Variants in ZBTB2 observed in about 807,000 individuals in gnomAD.
The protein encoded by ZBTB2 is zinc finger and BTB domain-containing protein 2.
ZBTB2 carries 2 observed loss-of-function variants against 39.5 expected under a neutral mutation model. The observed-to-expected ratio is 0.05, with a 90% CI of 0.02 to 0.16. The LOEUF is 0.16. ZBTB2 is among the 10% of genes least tolerant of loss of function. The pLI is 1.00. For synonymous variants in ZBTB2, 251 were observed against 256.6 expected, an observed-to-expected ratio of 0.98 and a Z score of 0.21; for missense variants, 391 against 653.0, an observed-to-expected ratio of 0.60 and a Z score of 4.37.
intron 1 of ZBTB2, among the ~76,000 whole-genome samples, chr6:151,373,856 A>AC (rs1452750920): frequency 1.4e-5 from 2 of 143,586 alleles, no homozygotes; most frequent in Admixed American, 1.4e-4. Context: ...AAAAAAAAAA[A>AC]AAAAAAAAAA....
intron 1 of ZBTB2, among the ~76,000 whole-genome samples, chr6:151,388,338 G>A (rs1468182804): frequency 6.6e-6 from 1 of 152,208 alleles, no homozygotes; most frequent in Non-Finnish European, 1.5e-5. Context: ...CCAAGAAACA[G>A]TAAGAGCTGG....
chr6:151,365,306 C>T lies in ZBTB2; in HGVS notation c.*215G>A. ...AGTTTATAAGTATAATGACCATTAT[C>T]TTTCCAATATCCCCTGAAAGAAAGT... On this transcript the variant is annotated 3_prime_UTR_variant, in exon 3 of 3. Transcript: ENST00000325144. The surrounding 1 kb of genome is among the most constrained non-coding windows in gnomAD (Gnocchi z 5.6). 1 of 545,324 alleles carries T rather than the reference C, an allele frequency of 1.8e-6. No individual in the cohort carries two copies. Among genetic ancestry groups the T allele is most frequent in the Non-Finnish European group, 3.2e-6 (1 of 315,898 alleles). The allele number at this position is 545,324 out of a possible 1,614,324, so 33.8% of individuals were successfully genotyped here. A position where few individuals can be genotyped will look rare whatever the true frequency, so the allele number is the denominator to read the frequency against.
At chr6:151,389,922 C>T (rs545179237) in intron 1 of ZBTB2, among the ~76,000 whole-genome samples, 2 of 152,256 alleles carry the variant, frequency 1.3e-5, no homozygotes, top group African/African-American at 2.4e-5. Flanking sequence ...AAAGTTCTCT[C>T]TTGCGGCTTT....
chr6:151,364,583 G>A lies in ZBTB2; in HGVS notation c.*938C>T, dbSNP rs951442171. On this transcript the variant is annotated 3_prime_UTR_variant, in exon 3 of 3. Transcript: ENST00000325144. Reference sequence around the variant, plus strand: ...ACATCTTCTGGTCACAAATTCCCCTGTAAGATGAGTATTCCTATATCCTTT... The same window carrying A: ...ACATCTTCTGGTCACAAATTCCCCTATAAGATGAGTATTCCTATATCCTTT... 2 of 152,174 alleles carry A rather than the reference G, an allele frequency of 1.3e-5. No individual in the cohort carries two copies. The highest frequency in any genetic ancestry group is 2.9e-5 in the Non-Finnish European group (2 of 68,038). 9.4% of individuals were successfully genotyped at this position (152,174 alleles called of 1,614,324 possible). A position where few individuals can be genotyped will look rare whatever the true frequency, so the allele number is the denominator to read the frequency against.
chr6:151,377,740 T>C (rs1028343046), intron 1 of ZBTB2, among the ~76,000 whole-genome samples: 3 of 151,838 alleles, frequency 2.0e-5, no homozygotes, highest in South Asian at 2.1e-4. Flanking sequence ...ACCATGTTGT[T>C]AGCCAGGACA....
chr6:151,384,218 G>C (rs375462395), intron 1 of ZBTB2, among the ~76,000 whole-genome samples: 3 of 152,192 alleles, frequency 2.0e-5, no homozygotes, highest in African/African-American at 7.2e-5. Context: ...GAGAGCCAGA[G>C]AATAACGAGG....
chr6:151,365,634 G>A lies in ZBTB2; in HGVS notation c.1432C>T (p.Leu478=). Residue 478 remains leucine, a synonymous_variant, in exon 3 of 3, where the codon CTA becomes TTA. Transcript: ENST00000325144. This position sits in a 1 kb window ranked among gnomAD's most constrained non-coding sequence, Gnocchi z 5.6. ...CQNQNSDVFA[L]DEGRSILLGS... Reference sequence around the variant, plus strand: ...AGGAGAATGGATCGCCCTTCGTCTAGGGCAAAAACATCCGAGTTCTGGTTT... The same window carrying A: ...AGGAGAATGGATCGCCCTTCGTCTAAGGCAAAAACATCCGAGTTCTGGTTT... The A allele has an allele frequency of 6.2e-7, 1 of 1,614,178 alleles. No individual in the cohort carries two copies. Among genetic ancestry groups the A allele is most frequent in the African/African-American group, 1.3e-5 (1 of 75,038 alleles).
intron 1 of ZBTB2, among the ~76,000 whole-genome samples, chr6:151,375,158 G>T (rs1778881693): frequency 6.6e-6 from 1 of 151,700 alleles, no homozygotes. Context: ...AGACCTTGTA[G>T]AACTAATAAA....
chr6:151,389,830 C>T (rs1362504525), intron 1 of ZBTB2, among the ~76,000 whole-genome samples: 1 of 152,188 alleles, frequency 6.6e-6, no homozygotes, highest in African/African-American at 2.4e-5. Context: ...CTCGCCTGCT[C>T]TGCTACCCTC....
intron 1 of ZBTB2, among the ~76,000 whole-genome samples, chr6:151,389,226 G>A (rs992260794): frequency 3.3e-5 from 5 of 152,034 alleles, no homozygotes; most frequent in African/African-American, 7.3e-5. Flanking sequence ...GTTCAAGACC[G>A]TCTCGGGCAA....
rs557266381 is a variant in ZBTB2 at position 151,366,419 on chromosome 6, G to T, written c.647C>A (p.Pro216His). 1 of 1,614,094 alleles carries T rather than the reference G, an allele frequency of 6.2e-7. No homozygotes were observed. The highest frequency in any genetic ancestry group is 2.2e-5 in the East Asian group (1 of 44,858). ...TGCTTCCAGATTGGTCTCCTCCCCGGGAGGAGGGGGAGGAACAGGAGTGGA... is the reference window on the plus strand; with the variant it reads ...TGCTTCCAGATTGGTCTCCTCCCCGTGAGGAGGGGGAGGAACAGGAGTGGA... ...LVSTPVPPPP[P>H]GEETNLEASS... The change falls in exon 3 of 3, where the codon CCC (proline) becomes CAC (histidine). Residue 216 changes from proline to histidine, a missense_variant. Pro to His is a moderately conservative substitution (Grantham distance 77). This residue lies in a region of ZBTB2 where 175 missense variants were observed against 198.6 expected (regional missense o/e 0.88). Coordinates refer to ENST00000325144, the MANE Select transcript of ZBTB2 (RefSeq NM_020861.3). The surrounding 1 kb of genome is among the most constrained non-coding windows in gnomAD (Gnocchi z 7.1).
chr6:151,371,824 A>G (rs1357407227), intron 2 of ZBTB2, among the ~76,000 whole-genome samples: 1 of 152,232 alleles, frequency 6.6e-6, no homozygotes, highest in Non-Finnish European at 1.5e-5. Context: ...AATGGAAGTG[A>G]GAAAGGAAAA....
At position 151,366,099 on chromosome 6, in the gene ZBTB2, T is replaced by A. The variant is rs1778640593; in HGVS notation, c.967A>T (p.Ile323Phe). Residue 323 changes from isoleucine (I) to phenylalanine (F), a missense_variant, in exon 3 of 3, where the codon ATC (isoleucine) becomes TTC (phenylalanine). By Grantham distance (21) the Ile-to-Phe change is conservative (BLOSUM62 0). This residue lies in a region of ZBTB2 where 80 missense variants were observed against 125.2 expected (regional missense o/e 0.64). Transcript: ENST00000325144. The surrounding 1 kb of genome is among the most constrained non-coding windows in gnomAD (Gnocchi z 7.1). ...GMISDSELQH[I>F]SDSPIIDGQQ... is the part of the protein sequence containing the mutation. ...CCATCGATGATGGGAGAATCAGAGA[T>A]GTGCTGCAGCTCACTGTCACTTATC... The A allele has an allele frequency of 4.3e-6, 7 of 1,614,030 alleles. No individual in the cohort carries two copies. Among genetic ancestry groups the A allele is most frequent in the Non-Finnish European group, 5.9e-6 (7 of 1,180,034 alleles).
At chr6:151,389,742 G>A (rs1318866962) in intron 1 of ZBTB2, among the ~76,000 whole-genome samples, 3 of 152,076 alleles carry the variant, frequency 2.0e-5, no homozygotes, top group Non-Finnish European at 4.4e-5. Context: ...TATCCCCAAG[G>A]CATAATTAGG....
intron 1 of ZBTB2, among the ~76,000 whole-genome samples, chr6:151,373,863 A>AAC (rs1778840407): frequency 1.4e-5 from 2 of 145,030 alleles, no homozygotes; most frequent in Non-Finnish European, 3.0e-5. Context: ...AAAAAAAAAA[A>AAC]AAAAAAAAAA....
chr6:151,376,593 T>A (rs1778914071), intron 1 of ZBTB2, among the ~76,000 whole-genome samples: 1 of 152,032 alleles, frequency 6.6e-6, no homozygotes, highest in Admixed American at 6.6e-5. Flanking sequence ...ATAAAACACA[T>A]GAAAAGATGT....
intron 1 of ZBTB2, among the ~76,000 whole-genome samples, chr6:151,387,549 G>A (rs372246983): frequency 6.2e-4 from 94 of 152,286 alleles, no homozygotes; most frequent in African/African-American, 2.2e-3. Context: ...CGGTGCAGGA[G>A]AACATGCGCA....
At chr6:151,385,411 C>T (rs182152573) in intron 1 of ZBTB2, among the ~76,000 whole-genome samples, 108 of 152,262 alleles carry the variant, frequency 7.1e-4, no homozygotes, top group African/African-American at 2.5e-3. Context: ...TGGGCTGATC[C>T]GTAAGCAACT....
rs541051795 is a variant in ZBTB2, at chr6:151,374,333, G to A, written c.-12-684C>T. ...GGAGGGAGGAAACCGGTCTTGAGAAGTATAAGTAATTTGCCCCAGGCCTTC... is the reference window on the plus strand; with the variant it reads ...GGAGGGAGGAAACCGGTCTTGAGAAATATAAGTAATTTGCCCCAGGCCTTC... On this transcript the variant is annotated intron_variant, in intron 1 of 2. Coordinates refer to ENST00000325144, the MANE Select transcript of ZBTB2 (RefSeq NM_020861.3). Among the ~76,000 whole-genome samples, 12 of 152,304 alleles carry A rather than the reference G, an allele frequency of 7.9e-5. No homozygotes were observed. In the South Asian group the frequency reaches 1.9e-3, roughly 24 times the overall value.
Sources: allele counts gnomAD v4.1 joint callset (sites outside exome capture counted in the v4.1 genomes callset), GRCh38; gene constraint gnomAD v4.1.1; regional missense constraint gnomAD v4.1.1; non-coding constraint Gnocchi (gnomAD v3.1); transcripts MANE v1.5; gene names NCBI Gene and HGNC (gene_info 2026-07-23, HGNC 2026-07-21).